Variants in RAB3GAP1 observed in about 807,000 individuals in gnomAD.
RAB3GAP1 encodes the protein RAB3 GTPase activating protein catalytic subunit 1, also known as rab3 GTPase-activating protein catalytic subunit.
RAB3GAP1 carries 86 observed loss-of-function variants against 130.7 expected under a neutral mutation model. That is an observed-to-expected ratio of 0.66 (90% CI 0.55 to 0.79). The LOEUF is 0.79. RAB3GAP1 is among the 30% of genes least tolerant of loss of function. RAB3GAP1 has a pLI of 0.00. For synonymous variants in RAB3GAP1, 367 were observed against 401.7 expected (o/e 0.91, Z 1.03); for missense variants, 1,029 against 1,169.4 (o/e 0.88, Z 1.75).
intron 3 of RAB3GAP1, among the ~76,000 whole-genome samples, chr2:135,081,348 ATATATATATATATACACACACGTG>A (rs1384167326): frequency 3.1e-4 from 31 of 98,814 alleles, no homozygotes; most frequent in African/African-American, 1.6e-3. Context: ...ATATATATAT[ATATATATATATATACACACACGTG>A]TGTGTGTGTA....
At chr2:135,168,519 G>A in intron 23 of RAB3GAP1, 26 bp from the exon 24 acceptor site, 1 of 1,592,198 alleles carries the variant, frequency 6.3e-7, no homozygotes, top group Non-Finnish European at 8.6e-7. Flanking sequence ...ACCTGCTTTT[G>A]ACTTTAGCAT....
chr2:135,062,061 C>G (rs909424491), intron 3 of RAB3GAP1, among the ~76,000 whole-genome samples: 7 of 151,976 alleles, frequency 4.6e-5, no homozygotes, highest in Admixed American at 3.9e-4. Context: ...GAGTCTCACT[C>G]TGTCACCCAG....
chr2:135,138,798 G>T (rs1403095331), intron 17 of RAB3GAP1, among the ~76,000 whole-genome samples: 1 of 151,856 alleles, frequency 6.6e-6, no homozygotes, highest in Non-Finnish European at 1.5e-5. Flanking sequence ...TAAAATTTTT[G>T]TAAAGATGGA....
chr2:135,082,052 G>C (rs186569106), intron 3 of RAB3GAP1, among the ~76,000 whole-genome samples: 9 of 152,106 alleles, frequency 5.9e-5, no homozygotes, highest in Admixed American at 5.9e-4. Context: ...TGAGGTGGGA[G>C]AACCGCTTGA....
chr2:135,127,193 T>C (rs1161090176), intron 11 of RAB3GAP1, among the ~76,000 whole-genome samples: 29 of 151,634 alleles, frequency 1.9e-4, no homozygotes, highest in South Asian at 1.0e-3. Context: ...TTTTCTTTTT[T>C]TTTTTTTTTT....
chr2:135,059,631 G>T (rs1018457632), intron 3 of RAB3GAP1, among the ~76,000 whole-genome samples: 1 of 152,194 alleles, frequency 6.6e-6, no homozygotes, highest in Middle Eastern at 3.4e-3. Flanking sequence ...CTAAGAACAT[G>T]CAAGTTACTC....
intron 11 of RAB3GAP1, among the ~76,000 whole-genome samples, chr2:135,128,083 A>T (rs1691410790): frequency 6.6e-6 from 1 of 152,224 alleles, no homozygotes; most frequent in Non-Finnish European, 1.5e-5. Context: ...GCATTTCTCT[A>T]AAGCATTGTT....
At chr2:135,087,918 T>C (rs1690032054) in intron 3 of RAB3GAP1, among the ~76,000 whole-genome samples, 1 of 152,226 alleles carries the variant, frequency 6.6e-6, no homozygotes, top group African/African-American at 2.4e-5. Context: ...TGAACTAGAA[T>C]TGTCATTTCG....
intron 23 of RAB3GAP1, 30 bp downstream of exon 23, chr2:135,164,726 TA>T (rs1692582219): frequency 6.5e-7 from 1 of 1,530,602 alleles, no homozygotes; most frequent in Non-Finnish European, 9.0e-7. Flanking sequence ...GACTCCATCA[TA>T]ATCTCTCCAA....
chr2:135,121,882 C>T (rs545688782), intron 8 of RAB3GAP1, among the ~76,000 whole-genome samples: 2 of 152,174 alleles, frequency 1.3e-5, no homozygotes, highest in East Asian at 1.9e-4. Flanking sequence ...CACCTGAGGT[C>T]GGGAGTTCAC....
Position 135,162,583 on chromosome 2 carries a change from C to CT in RAB3GAP1, c.2319dup (p.Ala774CysfsTer32). ...CTGCACTATCTGGCAATCCAGAAACCTGCAGACCTTGCTCGGCACCTGTTA... is the reference window on the plus strand; with the variant it reads ...CTGCACTATCTGGCAATCCAGAAACCTTGCAGACCTTGCTCGGCACCTGTTA... On this transcript the variant is annotated frameshift_variant, in exon 20 of 24. Transcript: ENST00000264158. LOFTEE classifies it high-confidence loss of function. The CT allele has an allele frequency of 3.7e-6, 6 of 1,614,014 alleles. No individual in the cohort carries two copies. The highest frequency in any genetic ancestry group is 4.2e-6 in the Non-Finnish European group (5 of 1,179,952).
intron 19 of RAB3GAP1, among the ~76,000 whole-genome samples, chr2:135,155,491 C>T (rs1344097313): frequency 4.6e-5 from 7 of 152,070 alleles, no homozygotes; most frequent in African/African-American, 1.4e-4. Context: ...AAAGAGGATA[C>T]GTTTTGAGAA....
At chr2:135,096,075 T>C (rs1226510303) in intron 5 of RAB3GAP1, among the ~76,000 whole-genome samples, 2 of 152,192 alleles carry the variant, frequency 1.3e-5, no homozygotes, top group African/African-American at 4.8e-5. Flanking sequence ...GGAGGGACTA[T>C]TTACATCACA....
chr2:135,104,698 C>T (rs1168758996), intron 5 of RAB3GAP1, among the ~76,000 whole-genome samples: 1 of 140,928 alleles, frequency 7.1e-6, no homozygotes, highest in African/African-American at 3.0e-5. Context: ...ACTAAAAATA[C>T]AAAATAAATA....
rs1691422853 is a variant in RAB3GAP1, at chr2:135,128,636, C to T, written c.974-1359C>T. Among the ~76,000 whole-genome samples, 4 of 152,258 alleles carry T rather than the reference C, an allele frequency of 2.6e-5. No homozygotes were observed. The South Asian group carries it at 8.3e-4, about 32-fold the overall frequency. The stretch of plus-strand genomic sequence containing the variant: ...TTTAGTTTAACGTTCCATGATCTTA[C>T]CCTACCTCTTTTAATATTTTGTATG... On this transcript the variant is annotated intron_variant, in intron 11 of 23. Coordinates refer to ENST00000264158, the MANE Select transcript of RAB3GAP1 (RefSeq NM_012233.3).
intron 3 of RAB3GAP1, among the ~76,000 whole-genome samples, chr2:135,077,071 A>G (rs1206754651): frequency 2.0e-5 from 3 of 152,080 alleles, no homozygotes; most frequent in Non-Finnish European, 2.9e-5. Context: ...GGAGTTTGAC[A>G]CCAGCCTGGC....
intron 17 of RAB3GAP1, among the ~76,000 whole-genome samples, chr2:135,149,475 A>G (rs1201105528): frequency 6.6e-6 from 1 of 152,214 alleles, no homozygotes; most frequent in Non-Finnish European, 1.5e-5. Context: ...CACATAGCAT[A>G]TAGTTTCTGG....
In RAB3GAP1 at chr2:135,093,672, G is replaced by A. The variant is rs1339860771; in HGVS notation, c.341G>A (p.Arg114Lys). ...GGTATGAATAATGACTTTCCTCCAA[G>A]AGCACATTGCCTGGTAAGATGGTAG... The part of the protein sequence containing the change: ...LLGMNNDFPP[R>K]AHCLVRWYGL... Residue 114 changes from arginine to lysine, a missense_variant, in exon 5 of 24, where the codon AGA becomes AAA. By Grantham distance (26) the Arg-to-Lys change is conservative (BLOSUM62 2). This residue lies in a region of RAB3GAP1 where 510 missense variants were observed against 532.1 expected (regional missense o/e 0.96). Transcript: ENST00000264158. The A allele has an allele frequency of 1.2e-6, 2 of 1,612,650 alleles. No individual in the cohort carries two copies.
chr2:135,083,767 GTTTTT>G (rs34087354), intron 3 of RAB3GAP1, among the ~76,000 whole-genome samples: 2 of 98,284 alleles, frequency 2.0e-5, no homozygotes, highest in Non-Finnish European at 1.9e-5. Flanking sequence ...ACCCAACACG[GTTTTT>G]TTTTTTTTTT....
Sources: gnomAD v4.1 joint callset for allele counts (sites outside exome capture counted in the v4.1 genomes callset) on GRCh38, gnomAD v4.1.1 for gene constraint, gnomAD v4.1.1 regional missense constraint, MANE v1.5 for transcripts, NCBI Gene and HGNC (gene_info 2026-07-23, HGNC 2026-07-21) for gene names.